Variants in PTPRN2 observed in about 807,000 individuals in gnomAD.
The protein encoded by PTPRN2 is receptor-type tyrosine-protein phosphatase N2.
A neutral mutation model predicts 118.8 loss-of-function variants in PTPRN2; 74 were observed. The observed-to-expected ratio is 0.62, with a 90% CI of 0.52 to 0.76. The LOEUF (loss-of-function observed/expected upper bound fraction) is 0.76, where lower values mean the gene tolerates loss of function less well. Among genes scored for constraint, PTPRN2 ranks in the 30% least tolerant of loss-of-function variants. The pLI is 0.00. For synonymous variants in PTPRN2, 641 were observed against 608.0 expected (o/e 1.05, Z -0.80); for missense variants, 1,481 against 1,394.4 (o/e 1.06, Z -0.99).
Position 157,964,746 on chromosome 7 carries a change from T to C in PTPRN2, c.1724-66009A>G, listed in dbSNP as rs57130724. Among the ~76,000 whole-genome samples, 1,321 of 152,244 alleles carry C rather than the reference T, an allele frequency of 8.7e-3. 20 individuals carry two copies. Among genetic ancestry groups the C allele is most frequent in the African/African-American group, 0.031 (1,267 of 41,536 alleles). The stretch of plus-strand genomic sequence containing the variant: ...CTTGGCACTGGGTGCTCTGATTCCC[T>C]TCCTCAAGCTTCCCACTTGAAGGTT... On this transcript the variant is annotated intron_variant, in intron 11 of 22. Transcript: ENST00000389418. The surrounding 1 kb of genome is among the most constrained non-coding windows in gnomAD (Gnocchi z 9.0).
chr7:158,258,417 C>A (rs1293600712), intron 3 of PTPRN2, among the ~76,000 whole-genome samples: 1 of 151,804 alleles, frequency 6.6e-6, no homozygotes, highest in Non-Finnish European at 1.5e-5. Context: ...CTGTTGTCTG[C>A]ATTTAATTTA....
At chr7:158,132,559 C>T (rs2150434376) in intron 9 of PTPRN2, among the ~76,000 whole-genome samples, 1 of 150,432 alleles carries the variant, frequency 6.6e-6, no homozygotes, top group South Asian at 2.1e-4. Context: ...CATACACAGA[C>T]ATCTATCCAA....
intron 12 of PTPRN2, among the ~76,000 whole-genome samples, chr7:157,735,804 C>T (rs1465344837): frequency 6.6e-6 from 1 of 152,146 alleles, no homozygotes; most frequent in East Asian, 1.9e-4. Flanking sequence ...GTCCTCCTGG[C>T]AGGCAGTGGC....
At chr7:157,621,648 G>T in intron 14 of PTPRN2, 139 bp from the exon 15 acceptor site, 1 of 1,047,526 alleles carries the variant, frequency 9.5e-7, no homozygotes, top group Non-Finnish European at 1.4e-6. Context: ...ATGGTGCGAC[G>T]TTGTGCTACG....
intron 2 of PTPRN2, among the ~76,000 whole-genome samples, chr7:158,428,594 TAAG>T (rs985938485): frequency 1.3e-5 from 2 of 152,210 alleles, no homozygotes; most frequent in Non-Finnish European, 2.9e-5. Context: ...AAGAAACTCC[TAAG>T]AAGTATAATT....
In PTPRN2 at chr7:158,491,897, T is replaced by C. The variant is rs117192648; in HGVS notation, c.113-2112A>G. Among the ~76,000 whole-genome samples the C allele has an allele frequency of 2.1e-3, 316 of 152,206 alleles. 5 individuals carry two copies. The highest frequency in any genetic ancestry group is 0.016 in the Admixed American group (248 of 15,294). On this transcript the variant is annotated intron_variant, in intron 1 of 22. Coordinates refer to ENST00000389418, the MANE Select transcript of PTPRN2 (RefSeq NM_002847.5). Reference sequence around the variant, plus strand: ...AAGTGTCTGAGCCAGGCAGAGGAGGTGAACGGCCTACAGGAGCGTGGCAGG... The same window carrying C: ...AAGTGTCTGAGCCAGGCAGAGGAGGCGAACGGCCTACAGGAGCGTGGCAGG...
At chr7:158,490,757 C>CA (rs1821389745) in intron 1 of PTPRN2, among the ~76,000 whole-genome samples, 1 of 152,246 alleles carries the variant, frequency 6.6e-6, no homozygotes, top group Non-Finnish European at 1.5e-5. Context: ...CGACAAACGC[C>CA]TGTTCATCCG....
chr7:158,325,720 G>A (rs968271526), intron 2 of PTPRN2, among the ~76,000 whole-genome samples: 6 of 152,140 alleles, frequency 3.9e-5, no homozygotes, highest in African/African-American at 7.2e-5. Context: ...AGAGACACCC[G>A]GCAAACCACC....
chr7:158,072,549 G>T (rs1170239157), intron 11 of PTPRN2, among the ~76,000 whole-genome samples: 2 of 152,126 alleles, frequency 1.3e-5, no homozygotes, highest in Non-Finnish European at 2.9e-5. Context: ...CCTCATGCTG[G>T]TCCCAAGTGC....
rs111989093 is a variant in PTPRN2 at position 158,538,356 on chromosome 7, C to G, written c.113-48571G>C. Among the ~76,000 whole-genome samples, 316 of 152,392 alleles carry G rather than the reference C, an allele frequency of 2.1e-3. 2 individuals are homozygous for G. Among genetic ancestry groups the G allele is most frequent in the African/African-American group, 7.0e-3 (293 of 41,600 alleles). On this transcript the variant is annotated intron_variant, in intron 1 of 22. Transcript: ENST00000389418. Reference sequence around the variant, plus strand: ...AACCCCAGTGGTTCTCCTCCCAGCACTGCCCCTCACCCCTGCGCGGCGTGT... The same window carrying G: ...AACCCCAGTGGTTCTCCTCCCAGCAGTGCCCCTCACCCCTGCGCGGCGTGT...
Position 157,990,648 on chromosome 7 carries a change from G to A in PTPRN2, c.1723+90650C>T, listed in dbSNP as rs1230596720. 6.6e-6 allele frequency among the ~76,000 whole-genome samples: 1 copy of A among 152,190 alleles called. No homozygotes were observed. Among genetic ancestry groups the A allele is most frequent in the African/African-American group, 2.4e-5 (1 of 41,450 alleles). On this transcript the variant is annotated intron_variant, in intron 11 of 22. Transcript: ENST00000389418. This position sits in a 1 kb window ranked among gnomAD's most constrained non-coding sequence, Gnocchi z 4.3. Reference sequence around the variant, plus strand: ...CAGGGCGGTGCTGACAGTAGGACATGCTGGTCCCCTTCCCAGTGAAGTCCC... The same window carrying A: ...CAGGGCGGTGCTGACAGTAGGACATACTGGTCCCCTTCCCAGTGAAGTCCC...
Position 158,441,263 on chromosome 7 carries a change from GGTGATAGTGATGGTGA to G in PTPRN2, c.163+48456_163+48471del, listed in dbSNP as rs1817131040. 2.1e-4 allele frequency among the ~76,000 whole-genome samples: 19 copies of G among 89,068 alleles called. 2 individuals carry two copies. Among genetic ancestry groups the G allele is most frequent in the Admixed American group, 2.1e-3 (19 of 9,100 alleles). The allele number at this position is 89,068 out of a possible 152,430, so 58.4% of individuals were successfully genotyped here. ...CAATGAAGGTGATGGTGATGGTGAT[GGTGATAGTGATGGTGA>G]TGGTGGTGGTGGTGATGGTGATAGT... On this transcript the variant is annotated intron_variant, in intron 2 of 22. Coordinates refer to ENST00000389418, the MANE Select transcript of PTPRN2 (RefSeq NM_002847.5).
chr7:157,778,854 G>A (rs926569055), intron 12 of PTPRN2, among the ~76,000 whole-genome samples: 6 of 152,204 alleles, frequency 3.9e-5, no homozygotes, highest in African/African-American at 7.2e-5. Context: ...GAATACAGGC[G>A]CTGAATGCCC....
At chr7:158,198,611 G>A (rs1006536068) in intron 4 of PTPRN2, among the ~76,000 whole-genome samples, 1 of 152,220 alleles carries the variant, frequency 6.6e-6, no homozygotes, top group Non-Finnish European at 1.5e-5. Context: ...CCTGCCTCAG[G>A]AGCATTTAGC....
chr7:157,657,942 C>G (rs1255132892), intron 13 of PTPRN2, among the ~76,000 whole-genome samples: 1 of 138,854 alleles, frequency 7.2e-6, no homozygotes, highest in Admixed American at 7.5e-5. Context: ...ACCACACACA[C>G]ACACCACACA....
rs1316040024 is a variant in PTPRN2 at position 157,585,223 on chromosome 7, G to A, written c.2497-7083C>T. 2.0e-5 allele frequency among the ~76,000 whole-genome samples: 3 copies of A among 152,174 alleles called. No homozygotes were observed. Among genetic ancestry groups the A allele is most frequent in the African/African-American group, 7.2e-5 (3 of 41,446 alleles). ...TGCTGCCTTGTAGCCCCATCCCAGGGCTGAGGAGCAGCTGCAGCAACCTCT... is the reference window on the plus strand; with the variant it reads ...TGCTGCCTTGTAGCCCCATCCCAGGACTGAGGAGCAGCTGCAGCAACCTCT... On this transcript the variant is annotated intron_variant, in intron 17 of 22. Coordinates refer to ENST00000389418, the MANE Select transcript of PTPRN2 (RefSeq NM_002847.5). The surrounding 1 kb of genome is among the most constrained non-coding windows in gnomAD (Gnocchi z 5.2).
chr7:158,362,240 G>A (rs1235157984), intron 2 of PTPRN2, among the ~76,000 whole-genome samples: 1 of 152,196 alleles, frequency 6.6e-6, no homozygotes, highest in African/African-American at 2.4e-5. Context: ...GGCCGCCCCT[G>A]CCCGCCCGGC....
At chr7:158,395,726 AG>A in intron 2 of PTPRN2, among the ~76,000 whole-genome samples, 2 of 39,166 alleles carry the variant, frequency 5.1e-5, no homozygotes, top group Admixed American at 2.6e-4. Flanking sequence ...GCGAGGCGCG[AG>A]GGGAGAGGGG....
intron 12 of PTPRN2, among the ~76,000 whole-genome samples, chr7:157,771,993 AAC>A (rs746628908): frequency 4.2e-4 from 62 of 148,766 alleles, no homozygotes; most frequent in Non-Finnish European, 6.4e-4. Context: ...GACACACATG[AAC>A]ACACACAGAT....
Sources: allele counts gnomAD v4.1 joint callset (sites outside exome capture counted in the v4.1 genomes callset), GRCh38; gene constraint gnomAD v4.1.1; non-coding constraint Gnocchi (gnomAD v3.1); transcripts MANE v1.5; gene names NCBI Gene and HGNC (gene_info 2026-07-23, HGNC 2026-07-21).